ARHGAP21: variants seen among roughly 807,000 people sequenced by gnomAD.
The protein encoded by ARHGAP21 is Rho GTPase activating protein 21.
Under a neutral mutation model 164.6 loss-of-function variants are expected in ARHGAP21, and 38 were observed. The observed-to-expected ratio is 0.23, with a 90% confidence interval of 0.18 to 0.30. ARHGAP21 has a LOEUF of 0.30. Ranked by LOEUF, ARHGAP21 falls within the 10% of genes least tolerant of loss-of-function variation. The pLI is 1.00. For synonymous variants in ARHGAP21, 766 were observed against 857.9 expected (o/e 0.89, Z 1.87); for missense variants, 1,822 against 2,370.7 (o/e 0.77, Z 4.81).
At chr10:24,627,898 T>C (rs906456484) in intron 7 of ARHGAP21, among the ~76,000 whole-genome samples, 19 of 152,180 alleles carry the variant, frequency 1.2e-4, no homozygotes, top group African/African-American at 4.6e-4. Flanking sequence ...AGCCATTCTG[T>C]GAAATGAGCA....
intron 4 of ARHGAP21, among the ~76,000 whole-genome samples, chr10:24,656,189 A>G (rs1838867484): frequency 7.4e-6 from 1 of 136,008 alleles, no homozygotes; most frequent in Non-Finnish European, 1.6e-5. Context: ...CCGCCCGGCC[A>G]GCCGCCCCAT....
rs1367942787 is a variant in ARHGAP21 at position 24,597,487 on chromosome 10, G to A, written c.3294C>T (p.His1098=). The stretch of plus-strand genomic sequence containing the variant: ...TCCTTTCCGACTCTTCCTTCGGAGA[G>A]TGTGGGCTTTGAGTCTTTGGCTCTG... ...AKSEPKTQSP[H]SPKEESERKL... is the part of the protein sequence containing the mutation. The change falls in exon 16 of 26, where the codon CAC becomes CAT. Residue 1098 remains histidine (H), a synonymous_variant. Coordinates refer to ENST00000396432, the MANE Select transcript of ARHGAP21 (RefSeq NM_020824.4). 1 of 1,614,118 alleles carries A rather than the reference G, an allele frequency of 6.2e-7. No individual in the cohort carries two copies. Among genetic ancestry groups the A allele is most frequent in the East Asian group, 2.2e-5 (1 of 44,882 alleles).
rs747764941 is a variant in ARHGAP21 at position 24,620,582 on chromosome 10, C to T, written c.1313G>A (p.Arg438Gln). ...VVPNRTTLQG[R>Q]RRSTSHDRVP... ...TCGATCATGAGAGGTGCTTCGACGT[C>T]GTCCCTGCAAAGTAGTGCGGTTGGG... Residue 438 changes from arginine (R) to glutamine (Q), a missense_variant, in exon 9 of 26, where the codon CGA becomes CAA. By Grantham distance (43) the Arg-to-Gln change is conservative. This residue lies in a region of ARHGAP21 where 1,090 missense variants were observed against 1,378.9 expected (regional missense o/e 0.79). Coordinates refer to ENST00000396432, the MANE Select transcript of ARHGAP21 (RefSeq NM_020824.4). 5.6e-6 allele frequency: 9 copies of T among 1,614,060 alleles called. No homozygotes were observed. The highest frequency in any genetic ancestry group is 1.1e-5 in the South Asian group (1 of 91,078).
chr10:24,682,040 G>T (rs1321589190), intron 2 of ARHGAP21, among the ~76,000 whole-genome samples: 3 of 151,300 alleles, frequency 2.0e-5, no homozygotes, highest in Non-Finnish European at 4.4e-5. Context: ...TCATATTCTT[G>T]TTAAGAAGAT....
At chr10:24,615,100 G>C (rs192367397) in intron 9 of ARHGAP21, among the ~76,000 whole-genome samples, 28 of 152,222 alleles carry the variant, frequency 1.8e-4, no homozygotes, top group Non-Finnish European at 3.8e-4. Flanking sequence ...TGAGGCAGGA[G>C]AATCACTTGA....
In ARHGAP21 at chr10:24,607,319, TTG is replaced by T. The variant is rs554902799; in HGVS notation, c.2684+178_2684+179del. 2.6e-4 allele frequency: 158 copies of T among 610,172 alleles called. No individual in the cohort carries two copies. The Middle Eastern group carries it at 3.0e-3, about 12-fold the overall frequency. The allele number at this position is 610,172 out of a possible 1,614,324, so 37.8% of individuals were successfully genotyped here. ...TATTTAACATATTTTTCTACCATGT[TTG>T]TGTGTTACTGATTTTTAAAATTCAA... On this transcript the variant is annotated intron_variant, in intron 11 of 25. Coordinates refer to ENST00000396432, the MANE Select transcript of ARHGAP21 (RefSeq NM_020824.4).
chr10:24,656,420 C>A (rs1426040310), intron 4 of ARHGAP21, among the ~76,000 whole-genome samples: 1 of 91,798 alleles, frequency 1.1e-5, no homozygotes, highest in Non-Finnish European at 2.3e-5. Flanking sequence ...CGGCCAGCCG[C>A]CCCGTCTGGG....
rs138893447 is a variant in ARHGAP21 at position 24,595,702 on chromosome 10, C to A, written c.3712+15G>T. ...GAACCATTTCATCTGGTATCTTTCACGGGAGTTAACTCACCATTTGTGAAG... is the reference window on the plus strand; with the variant it reads ...GAACCATTTCATCTGGTATCTTTCAAGGGAGTTAACTCACCATTTGTGAAG... On this transcript the variant is annotated intron_variant, in intron 19 of 25. Transcript: ENST00000396432. 6.2e-6 allele frequency: 10 copies of A among 1,602,448 alleles called. No individual in the cohort carries two copies. In the East Asian group the frequency reaches 2.0e-4, roughly 32 times the overall value.
At chr10:24,675,421 G>A (rs1390870470) in intron 2 of ARHGAP21, among the ~76,000 whole-genome samples, 1 of 152,170 alleles carries the variant, frequency 6.6e-6, no homozygotes, top group Non-Finnish European at 1.5e-5. Flanking sequence ...GTTGCTCTGG[G>A]TGGGTGTAAG....
chr10:24,624,730 AT>A (rs1394574183), intron 7 of ARHGAP21, among the ~76,000 whole-genome samples: 2 of 152,172 alleles, frequency 1.3e-5, no homozygotes, highest in Non-Finnish European at 2.9e-5. Context: ...CATATTCAGT[AT>A]TAACAATTTT....
At chr10:24,596,907 A>G in intron 16 of ARHGAP21, 25 bp from the exon 17 acceptor site, 1 of 1,583,424 alleles carries the variant, frequency 6.3e-7, no homozygotes, top group Admixed American at 2.0e-5. Context: ...TCAAAATAAA[A>G]CAACATAATA....
At chr10:24,613,845 G>A (rs552579204) in intron 9 of ARHGAP21, among the ~76,000 whole-genome samples, 1 of 152,194 alleles carries the variant, frequency 6.6e-6, no homozygotes, top group Non-Finnish European at 1.5e-5. Context: ...CAAAGGGCAA[G>A]TGGAAGGATC....
chr10:24,634,142 A>G (rs917002828), intron 5 of ARHGAP21, among the ~76,000 whole-genome samples: 5 of 151,718 alleles, frequency 3.3e-5, no homozygotes, highest in African/African-American at 9.7e-5. Context: ...GGGGCTTAAA[A>G]TACGACAGAT....
At chr10:24,664,048 T>A (rs776283519) in intron 4 of ARHGAP21, among the ~76,000 whole-genome samples, 2 of 152,238 alleles carry the variant, frequency 1.3e-5, no homozygotes, top group African/African-American at 4.8e-5. Context: ...TCAGCTTACA[T>A]TAAGGAACCA....
intron 4 of ARHGAP21, chr10:24,640,053 C>G (rs1836831801): frequency 6.6e-6 from 1 of 151,916 alleles, no homozygotes; most frequent in African/African-American, 2.4e-5. Context: ...TCCTACAGTT[C>G]TGAGGACAAG....
At chr10:24,683,841 G>T (rs113876061) in intron 2 of ARHGAP21, among the ~76,000 whole-genome samples, 12 of 152,246 alleles carry the variant, frequency 7.9e-5, no homozygotes, top group Non-Finnish European at 1.5e-4. Context: ...GTACTCCTCA[G>T]TGTTATTCTC....
chr10:24,597,730 G>T, intron 15 of ARHGAP21, 147 bp from the exon 16 acceptor site: 3 of 1,286,654 alleles, frequency 2.3e-6, no homozygotes, highest in East Asian at 2.4e-5. Flanking sequence ...TTGTAGTCCT[G>T]CCCAGAATAA....
At chr10:24,680,250 C>G (rs1289378507) in intron 2 of ARHGAP21, among the ~76,000 whole-genome samples, 1 of 151,950 alleles carries the variant, frequency 6.6e-6, no homozygotes, top group Non-Finnish European at 1.5e-5. Flanking sequence ...CATATTCTTC[C>G]CCGTAACAGC....
rs141970071 is a variant in ARHGAP21, at chr10:24,670,253, A to G, written c.208T>C (p.Tyr70His). The change falls in exon 3 of 26, where the codon TAT becomes CAT. Residue 70 changes from tyrosine (Y) to histidine (H), a missense_variant. Tyr to His is a moderately conservative substitution (Grantham distance 83). This residue lies in a region of ARHGAP21 where 1,090 missense variants were observed against 1,378.9 expected (regional missense o/e 0.79). Coordinates refer to ENST00000396432, the MANE Select transcript of ARHGAP21 (RefSeq NM_020824.4). ...AATTGAATTGCAGACTCTGGGGGATAAACAATAAAATGTCTTAATGTAAAA... is the reference window on the plus strand; with the variant it reads ...AATTGAATTGCAGACTCTGGGGGATGAACAATAAAATGTCTTAATGTAAAA... ...FGFTLRHFIV[Y>H]PPESAIQFSY... 6.2e-7 allele frequency: 1 copy of G among 1,602,304 alleles called. No homozygotes were observed. The highest frequency in any genetic ancestry group is 8.5e-7 in the Non-Finnish European group (1 of 1,174,394).
Sources: gnomAD v4.1 joint callset for allele counts (sites outside exome capture counted in the v4.1 genomes callset) on GRCh38, gnomAD v4.1.1 for gene constraint, gnomAD v4.1.1 regional missense constraint, MANE v1.5 for transcripts, NCBI Gene and HGNC (gene_info 2026-07-23, HGNC 2026-07-21) for gene names.